MAGI3: variants seen among roughly 807,000 people sequenced by gnomAD.
MAGI3 encodes membrane associated guanylate kinase, WW and PDZ domain containing 3.
In MAGI3, 43 loss-of-function variants were observed where a neutral mutation model predicts 121.8. The observed-to-expected ratio is 0.35, with a 90% CI of 0.28 to 0.46. MAGI3 has a LOEUF of 0.46. Among genes scored for constraint, MAGI3 ranks in the 20% least tolerant of loss-of-function variants. The pLI is 1.00. For synonymous variants in MAGI3, 553 were observed against 639.3 expected, an observed-to-expected ratio of 0.86 and a Z score of 2.04; for missense variants, 1,547 against 1,797.3, an observed-to-expected ratio of 0.86 and a Z score of 2.52.
At chr1:113,587,382 G>A (rs897462760) in intron 4 of MAGI3, among the ~76,000 whole-genome samples, 1 of 152,144 alleles carries the variant, frequency 6.6e-6, no homozygotes, top group Admixed American at 6.6e-5. Flanking sequence ...TTTTAGTAGA[G>A]ACAGGGTTTC....
chr1:113,398,853 A>G (rs1481328944), intron 1 of MAGI3, among the ~76,000 whole-genome samples: 1 of 151,972 alleles, frequency 6.6e-6, no homozygotes, highest in Non-Finnish European at 1.5e-5. Context: ...GGATATGGTT[A>G]TCTAGTTTGC....
At chr1:113,416,397 A>G (rs1010236624) in intron 1 of MAGI3, among the ~76,000 whole-genome samples, 9 of 56,040 alleles carry the variant, frequency 1.6e-4, no homozygotes, top group African/African-American at 6.7e-4. Context: ...TATATTAATT[A>G]TTAATTAATT....
intron 3 of MAGI3, among the ~76,000 whole-genome samples, chr1:113,582,529 A>G (rs1314859982): frequency 6.6e-6 from 1 of 152,148 alleles, no homozygotes; most frequent in Non-Finnish European, 1.5e-5. Context: ...ATAAAATTGT[A>G]TAAAAAGAAA....
At chr1:113,651,263 A>T in intron 14 of MAGI3, 57 bp downstream of exon 14, 1 of 1,484,570 alleles carries the variant, frequency 6.7e-7, no homozygotes, top group Non-Finnish European at 9.1e-7. Flanking sequence ...ATACTAGTCT[A>T]CTTCCTGTGT....
At chr1:113,416,392 T>C (rs1300041892) in intron 1 of MAGI3, among the ~76,000 whole-genome samples, 26 of 65,996 alleles carry the variant, frequency 3.9e-4, no homozygotes, top group African/African-American at 1.5e-3. Flanking sequence ...TAATATATAT[T>C]AATTATTAAT....
chr1:113,469,759 G>T (rs1655456224), intron 1 of MAGI3, among the ~76,000 whole-genome samples: 1 of 151,912 alleles, frequency 6.6e-6, no homozygotes, highest in South Asian at 2.1e-4. Flanking sequence ...TTTTTGGGAT[G>T]AAGCAAAAAG....
intron 6 of MAGI3, among the ~76,000 whole-genome samples, chr1:113,611,664 T>G (rs1650144482): frequency 6.6e-6 from 1 of 152,184 alleles, no homozygotes; most frequent in Non-Finnish European, 1.5e-5. Context: ...CCTTTATTAC[T>G]GCTTCCCATA....
intron 19 of MAGI3, 35 bp from the exon 20 acceptor site, chr1:113,681,163 G>C (rs992754704): frequency 1.7e-5 from 28 of 1,603,430 alleles, no homozygotes; most frequent in Non-Finnish European, 2.3e-5. Context: ...AGGATGCATA[G>C]TTTCATGTTG....
intron 4 of MAGI3, among the ~76,000 whole-genome samples, chr1:113,586,651 G>A (rs962649381): frequency 3.3e-5 from 5 of 152,150 alleles, no homozygotes; most frequent in Non-Finnish European, 5.9e-5. Flanking sequence ...TCATCACACC[G>A]TTGAGCCTTT....
chr1:113,474,074 C>T (rs921460565), intron 1 of MAGI3, among the ~76,000 whole-genome samples: 13 of 152,186 alleles, frequency 8.5e-5, no homozygotes, highest in Admixed American at 2.0e-4. Flanking sequence ...TCTTTTGAGA[C>T]GTGTCTGTTC....
intron 1 of MAGI3, among the ~76,000 whole-genome samples, chr1:113,483,280 G>T (rs1368061745): frequency 1.3e-5 from 2 of 152,158 alleles, no homozygotes; most frequent in Admixed American, 1.3e-4. Context: ...GGTTGCTGTG[G>T]ACTGAATGTT....
intron 9 of MAGI3, among the ~76,000 whole-genome samples, chr1:113,640,656 A>G (rs890766386): frequency 6.6e-6 from 1 of 151,922 alleles, no homozygotes; most frequent in South Asian, 2.1e-4. Flanking sequence ...GCATGTTCTT[A>G]TAAGTGGGAG....
At chr1:113,682,873 G>T (rs12564503) in intron 20 of MAGI3, 24 bp from the exon 21 acceptor site, 2 of 1,528,430 alleles carry the variant, frequency 1.3e-6, no homozygotes, top group African/African-American at 2.8e-5. Context: ...ATTTAATAAT[G>T]TTCCATTCAA....
At chr1:113,518,097 A>G (rs570556867) in intron 1 of MAGI3, among the ~76,000 whole-genome samples, 1 of 152,172 alleles carries the variant, frequency 6.6e-6, no homozygotes, top group African/African-American at 2.4e-5. Context: ...TTTCTGTGGT[A>G]ATACAAATAA....
chr1:113,442,473 A>G (rs982517111), intron 1 of MAGI3, among the ~76,000 whole-genome samples: 5 of 152,104 alleles, frequency 3.3e-5, no homozygotes, highest in African/African-American at 7.2e-5. Context: ...AATTGGTTTT[A>G]TTGTGGATAA....
chr1:113,393,463 G>T (rs1471443823), intron 1 of MAGI3, among the ~76,000 whole-genome samples: 2 of 152,120 alleles, frequency 1.3e-5, no homozygotes, highest in Non-Finnish European at 2.9e-5. Context: ...TTGTTTCTAA[G>T]CAGGTTGTAA....
chr1:113,663,317 AT>A (rs935400216), intron 16 of MAGI3, among the ~76,000 whole-genome samples: 2 of 150,794 alleles, frequency 1.3e-5, no homozygotes, highest in Non-Finnish European at 3.0e-5. Flanking sequence ...CTAGTTCCAC[AT>A]TTTATTGCTC....
rs1648415346 is a variant in MAGI3 at position 113,684,283 on chromosome 1, A to G, written c.*269A>G. The stretch of plus-strand genomic sequence containing the variant: ...TGCTCAGGCTGCCCAGCTCGTCTTC[A>G]TGAGTGTCTGAACAAATGACATATG... On this transcript the variant is annotated 3_prime_UTR_variant, in exon 21 of 21. Transcript: ENST00000307546. 6.9e-6 allele frequency: 2 copies of G among 289,736 alleles called. No individual in the cohort carries two copies. The highest frequency in any genetic ancestry group is 1.3e-4 in the East Asian group (2 of 15,922). The allele number at this position is 289,736 out of a possible 1,614,324, so 17.9% of individuals were successfully genotyped here.
intron 1 of MAGI3, among the ~76,000 whole-genome samples, chr1:113,423,944 C>A (rs886871772): frequency 1.3e-5 from 2 of 152,170 alleles, no homozygotes; most frequent in African/African-American, 4.8e-5. Context: ...TGCTTGCACA[C>A]CCGGCCTAGT....
Sources: gnomAD v4.1 joint callset for allele counts (sites outside exome capture counted in the v4.1 genomes callset) on GRCh38, gnomAD v4.1.1 for gene constraint, MANE v1.5 for transcripts, NCBI Gene and HGNC (gene_info 2026-07-23, HGNC 2026-07-21) for gene names.